ATP8B2: variants seen among roughly 807,000 people sequenced by gnomAD.
ATP8B2 encodes the protein phospholipid-transporting ATPase ID.
Under a neutral mutation model 133.4 loss-of-function variants are expected in ATP8B2, and 70 were observed. The ratio of observed to expected loss-of-function variants is 0.52; its 90% CI spans 0.43 to 0.64. The LOEUF (loss-of-function observed/expected upper bound fraction) is 0.64, where lower values mean the gene tolerates loss of function less well. Ranked by LOEUF, ATP8B2 falls within the 30% of genes least tolerant of loss-of-function variation. The pLI is 0.00. For missense variants in ATP8B2, 1,101 were observed against 1,535.7 expected (o/e 0.72, Z 4.73); for synonymous variants, 517 against 589.5 (o/e 0.88, Z 1.78).
chr1:154,345,131 C>T lies in ATP8B2; in HGVS notation c.2447C>T (p.Ala816Val). The part of the protein sequence containing the change: ...KAVTLAIGDG[A>V]NDVSMIKTAH... ...GTGACGCTTGCCATTGGAGACGGAGCCAATGATGTCAGCATGATCAAAAGT... is the reference window on the plus strand; with the variant it reads ...GTGACGCTTGCCATTGGAGACGGAGTCAATGATGTCAGCATGATCAAAAGT... Residue 816 changes from alanine to valine, a missense_variant, in exon 22 of 28, where the codon GCC (alanine) becomes GTC (valine). Coordinates refer to ENST00000368489, the MANE Select transcript of ATP8B2 (RefSeq NM_001370597.1). The surrounding 1 kb of genome is among the most constrained non-coding windows in gnomAD (Gnocchi z 5.6). 1 of 1,613,818 alleles carries T rather than the reference C, an allele frequency of 6.2e-7. No homozygotes were observed. The highest frequency in any genetic ancestry group is 8.5e-7 in the Non-Finnish European group (1 of 1,179,850).
rs1404866362 is a variant in ATP8B2 at position 154,350,065 on chromosome 1, C to CTTTTTCTT, written c.*961_*968dup. The CTTTTTCTT allele has an allele frequency of 4.0e-5, 6 of 151,550 alleles. No homozygotes were observed. In the East Asian group the frequency reaches 9.7e-4, roughly 24 times the overall value. The allele number at this position is 151,550 out of a possible 1,614,324, so 9.4% of individuals were successfully genotyped here. ...GAGGGGTAGTTTTCTTTTCTTTTTT[C>CTTTTTCTT]TTTTTCTTTTTTTCTTTTTTTTTTT... On this transcript the variant is annotated 3_prime_UTR_variant, in exon 28 of 28. Transcript: ENST00000368489.
Position 154,328,057 on chromosome 1 carries a change from A to G in ATP8B2, c.-37-48A>G. 6 of 1,585,354 alleles carry G rather than the reference A, an allele frequency of 3.8e-6. No homozygotes were observed. The highest frequency in any genetic ancestry group is 4.3e-6 in the Non-Finnish European group (5 of 1,153,920). The stretch of plus-strand genomic sequence containing the variant: ...AAAAGAGGTCTCATGAGGGGAGGGA[A>G]GGGTTATCCTCAGCTTCCTGACCTC... On this transcript the variant is annotated intron_variant, in intron 1 of 27. Transcript: ENST00000368489. This position sits in a 1 kb window ranked among gnomAD's most constrained non-coding sequence, Gnocchi z 4.6.
At chr1:154,326,616 TG>T (rs1298780323) in intron 1 of ATP8B2, among the ~76,000 whole-genome samples, 1 of 152,176 alleles carries the variant, frequency 6.6e-6, no homozygotes, top group Non-Finnish European at 1.5e-5. Context: ...GGATGAGGTC[TG>T]GGGCCAAGCC....
At position 154,345,523 on chromosome 1, in the gene ATP8B2, T is replaced by G; in HGVS notation, c.2672T>G (p.Phe891Cys). The change falls in exon 23 of 28, where the codon TTC (phenylalanine) becomes TGC (cysteine). Residue 891 changes from phenylalanine to cysteine, a missense_variant. By Grantham distance (205) the Phe-to-Cys change is radical. Coordinates refer to ENST00000368489, the MANE Select transcript of ATP8B2 (RefSeq NM_001370597.1). This position sits in a 1 kb window ranked among gnomAD's most constrained non-coding sequence, Gnocchi z 5.6. ...AFTMVHFWFG[F>C]FCGFSAQTVY... ...ACCATGGTCCACTTCTGGTTTGGCT[T>G]CTTCTGTGGCTTCTCAGCCCAGGTA... 2 of 1,613,580 alleles carry G rather than the reference T, an allele frequency of 1.2e-6. No individual in the cohort carries two copies. Among genetic ancestry groups the G allele is most frequent in the Non-Finnish European group, 1.7e-6 (2 of 1,179,800 alleles).
At position 154,344,806 on chromosome 1, in the gene ATP8B2, C is replaced by A. The variant is rs1260119910; in HGVS notation, c.2286+21C>A. 6.3e-7 allele frequency: 1 copy of A among 1,583,852 alleles called. No homozygotes were observed. On this transcript the variant is annotated intron_variant, in intron 21 of 27. Transcript: ENST00000368489. The surrounding 1 kb of genome is among the most constrained non-coding windows in gnomAD (Gnocchi z 4.1). Reference sequence around the variant, plus strand: ...GCCTGGTAGGCATCGCTATCCTTAGCTTGGGCAGTATCTTTCCAGTGAGCA... The same window carrying A: ...GCCTGGTAGGCATCGCTATCCTTAGATTGGGCAGTATCTTTCCAGTGAGCA...
rs1685961146 is a variant in ATP8B2 at position 154,330,797 on chromosome 1, T to G, written c.91-18T>G. 1 of 1,599,766 alleles carries G rather than the reference T, an allele frequency of 6.3e-7. No homozygotes were observed. Among genetic ancestry groups the G allele is most frequent in the Admixed American group, 1.7e-5 (1 of 59,966 alleles). On this transcript the variant is annotated intron_variant, in intron 3 of 27. Coordinates refer to ENST00000368489, the MANE Select transcript of ATP8B2 (RefSeq NM_001370597.1). ...TGGGACTGGAGACTGCTCATTATCT[T>G]CTCTCCTACTGCCATAGAGTAACTG...
intron 14 of ATP8B2, 81 bp from the exon 15 acceptor site, chr1:154,342,715 T>A: frequency 1.3e-6 from 2 of 1,533,568 alleles, no homozygotes; most frequent in Non-Finnish European, 1.8e-6. Context: ...CTACTGAGAG[T>A]TGGGAGGGCA....
chr1:154,327,649 G>A (rs1570842766), intron 1 of ATP8B2: 1 of 754,496 alleles, frequency 1.3e-6, no homozygotes, highest in African/African-American at 1.7e-5. Flanking sequence ...TTCGAGAAGG[G>A]TGGAGCCTGC....
intron 4 of ATP8B2, 33 bp downstream of exon 4, chr1:154,330,961 C>T (rs1471798512): frequency 6.2e-7 from 1 of 1,604,090 alleles, no homozygotes; most frequent in Non-Finnish European, 8.5e-7. Context: ...TTTGCAGCTC[C>T]CCAAACTGAA....
At chr1:154,335,204 G>A (rs1686136720) in intron 11 of ATP8B2, among the ~76,000 whole-genome samples, 1 of 152,164 alleles carries the variant, frequency 6.6e-6, no homozygotes, top group African/African-American at 2.4e-5. Flanking sequence ...CGGAAACCCA[G>A]CCTGGTGGGC....
intron 14 of ATP8B2, 87 bp from the exon 15 acceptor site, chr1:154,342,709 T>G: frequency 2.0e-6 from 3 of 1,523,874 alleles, no homozygotes; most frequent in Non-Finnish European, 1.8e-6. Flanking sequence ...AGGAGCCTAC[T>G]GAGAGTTGGG....
chr1:154,346,452 C>G lies in ATP8B2; in HGVS notation c.3000C>G (p.Ser1000=). ...YQSFAVTVAT[S]LVIVVSVQIG... ...CCTTTGCAGTCACTGTGGCCACATCCTTGGTCATTGTGGTTAGCGTGCAGG... is the reference window on the plus strand; with the variant it reads ...CCTTTGCAGTCACTGTGGCCACATCGTTGGTCATTGTGGTTAGCGTGCAGG... Residue 1000 remains serine (S), a synonymous_variant, in exon 25 of 28, where the codon TCC becomes TCG. Transcript: ENST00000368489. The surrounding 1 kb of genome is among the most constrained non-coding windows in gnomAD (Gnocchi z 4.5). The G allele has an allele frequency of 1.2e-6, 2 of 1,613,890 alleles. No homozygotes were observed. The highest frequency in any genetic ancestry group is 1.7e-6 in the Non-Finnish European group (2 of 1,179,838).
chr1:154,337,657 TG>T (rs779313776), intron 12 of ATP8B2, 113 bp downstream of exon 12: 4 of 1,608,580 alleles, frequency 2.5e-6, no homozygotes, highest in Non-Finnish European at 3.4e-6. Context: ...CTCTTCTTCC[TG>T]TACTGTAAAC....
In ATP8B2 at chr1:154,334,709, C is replaced by A; in HGVS notation, c.837+118C>A. The A allele has an allele frequency of 1.3e-6, 1 of 772,346 alleles. No homozygotes were observed. The highest frequency in any genetic ancestry group is 2.1e-6 in the Non-Finnish European group (1 of 476,170). The allele number at this position is 772,346 out of a possible 1,614,324, so 47.8% of individuals were successfully genotyped here. ...TCAGGTTTGGCTTTAAAGCTGCTAG[C>A]AGGTCAGCTACACAAAGGCAGTGTT... On this transcript the variant is annotated intron_variant, in intron 11 of 27. Coordinates refer to ENST00000368489, the MANE Select transcript of ATP8B2 (RefSeq NM_001370597.1). The surrounding 1 kb of genome is among the most constrained non-coding windows in gnomAD (Gnocchi z 4.6).
In ATP8B2 at chr1:154,334,468, A is replaced by G. The variant is rs1686107667; in HGVS notation, c.749-35A>G. 2 of 1,606,604 alleles carry G rather than the reference A, an allele frequency of 1.2e-6. No homozygotes were observed. Among genetic ancestry groups the G allele is most frequent in the Non-Finnish European group, 1.7e-6 (2 of 1,173,552 alleles). On this transcript the variant is annotated intron_variant, in intron 10 of 27. Coordinates refer to ENST00000368489, the MANE Select transcript of ATP8B2 (RefSeq NM_001370597.1). The surrounding 1 kb of genome is among the most constrained non-coding windows in gnomAD (Gnocchi z 4.6). ...GCAGAAGCCCAGAGGCAGATGTGTT[A>G]TTTGGCTTTCCCAGCCCTTCCCATT...
Position 154,334,940 on chromosome 1 carries a change from C to G in ATP8B2, c.837+349C>G, listed in dbSNP as rs1448645318. Among the ~76,000 whole-genome samples the G allele has an allele frequency of 6.6e-6, 1 of 152,106 alleles. No homozygotes were observed. Among genetic ancestry groups the G allele is most frequent in the Non-Finnish European group, 1.5e-5 (1 of 68,026 alleles). ...GGAGAGGGAATTAAAAGAAAAATTT[C>G]CATTTGGAAGAGGTTGGCAGGGTCT... On this transcript the variant is annotated intron_variant, in intron 11 of 27. Coordinates refer to ENST00000368489, the MANE Select transcript of ATP8B2 (RefSeq NM_001370597.1). This position sits in a 1 kb window ranked among gnomAD's most constrained non-coding sequence, Gnocchi z 4.6.
rs761401717 is a variant in ATP8B2, at chr1:154,330,393, CAGA to C, written c.37_39del (p.Glu13del). On this transcript the variant is annotated splice_acceptor_variant and coding_sequence_variant, in exon 3 of 28. Transcript: ENST00000368489. LOFTEE classifies it high-confidence loss of function. ...TCCTGACTGCAGCATCATTTTGTTG[CAGA>C]AGAAGAAAGGAGGGCGCGGGCTAAT... 2.8e-5 allele frequency: 45 copies of C among 1,608,452 alleles called. No individual in the cohort carries two copies. Among genetic ancestry groups the C allele is most frequent in the Non-Finnish European group, 3.7e-5 (44 of 1,176,668 alleles).
rs1440602479 is a variant in ATP8B2 at position 154,344,888 on chromosome 1, G to T, written c.2287-83G>T. 1 of 1,543,844 alleles carries T rather than the reference G, an allele frequency of 6.5e-7. No homozygotes were observed. Among genetic ancestry groups the T allele is most frequent in the Non-Finnish European group, 8.7e-7 (1 of 1,143,752 alleles). On this transcript the variant is annotated intron_variant, in intron 21 of 27. Coordinates refer to ENST00000368489, the MANE Select transcript of ATP8B2 (RefSeq NM_001370597.1). This position sits in a 1 kb window ranked among gnomAD's most constrained non-coding sequence, Gnocchi z 4.1. ...ATTTCCCCTGATTTCAGAGAAGACTGGTCTCAAAGGGGACTGGGAGGAGCT... is the reference window on the plus strand; with the variant it reads ...ATTTCCCCTGATTTCAGAGAAGACTTGTCTCAAAGGGGACTGGGAGGAGCT...
At position 154,349,074 on chromosome 1, in the gene ATP8B2, G is replaced by A. The variant is rs1686699778; in HGVS notation, c.3529G>A (p.Ala1177Thr). 6.2e-7 allele frequency: 1 copy of A among 1,614,244 alleles called. No individual in the cohort carries two copies. Among genetic ancestry groups the A allele is most frequent in the African/African-American group, 1.3e-5 (1 of 75,084 alleles). The change falls in exon 28 of 28, where the codon GCC becomes ACC. Residue 1177 changes from alanine to threonine, a missense_variant. Coordinates refer to ENST00000368489, the MANE Select transcript of ATP8B2 (RefSeq NM_001370597.1). ...CCTGCGCAGGAAGAAGAGTGACAGTGCCAGTAGCCCCAGTGGCGGTGCCGA... is the reference window on the plus strand; with the variant it reads ...CCTGCGCAGGAAGAAGAGTGACAGTACCAGTAGCCCCAGTGGCGGTGCCGA... ...ESLRRKKSDS[A>T]SSPSGGADKP...
Sources: gnomAD v4.1 joint callset for allele counts (sites outside exome capture counted in the v4.1 genomes callset) on GRCh38, gnomAD v4.1.1 for gene constraint, Gnocchi (gnomAD v3.1) non-coding constraint, MANE v1.5 for transcripts, NCBI Gene and HGNC (gene_info 2026-07-23, HGNC 2026-07-21) for gene names.